SAMD5: variants seen among roughly 807,000 people sequenced by gnomAD.
The protein encoded by SAMD5 is sterile alpha motif domain-containing protein 5.
Under a neutral mutation model 11.3 loss-of-function variants are expected in SAMD5, and 13 were observed. The observed-to-expected ratio is 1.15, with a 90% CI of 0.75 to 1.83. SAMD5 has a LOEUF of 1.83. Ranked by LOEUF, SAMD5 falls within the 40% of genes most tolerant of loss-of-function variation. The probability of loss-of-function intolerance (pLI) is 0.00; values close to 1 mark genes in which losing one functional copy is unlikely to be tolerated. For missense variants in SAMD5, 255 were observed against 239.1 expected (o/e 1.07, Z -0.44); for synonymous variants, 129 against 111.3 (o/e 1.16, Z -1.00).
At chr6:147,639,482 G>A (rs1790278272) in intron 1 of SAMD5, among the ~76,000 whole-genome samples, 1 of 152,202 alleles carries the variant, frequency 6.6e-6, no homozygotes, top group East Asian at 1.9e-4. Flanking sequence ...GACTGTAGCT[G>A]CAGCTCTGGG....
chr6:147,877,919 C>CTAGATAGATAGA, the SAMD5 span, among the ~76,000 whole-genome samples: 9 of 106,428 alleles, frequency 8.5e-5, no homozygotes, highest in East Asian at 8.6e-4. Context: ...AGCTAGCTAG[C>CTAGATAGATAGA]TAGCTAGATA....
chr6:147,846,481 T>C, the SAMD5 span, among the ~76,000 whole-genome samples: 2 of 152,214 alleles, frequency 1.3e-5, no homozygotes, highest in African/African-American at 4.8e-5. Context: ...AAGGGTACAC[T>C]GACCTCCCTG....
chr6:147,950,900 A>G, the SAMD5 span, among the ~76,000 whole-genome samples: 4,144 of 151,664 alleles, frequency 0.027, 85 homozygotes, highest in Non-Finnish European at 0.043. Flanking sequence ...CCTCGCCTCC[A>G]CATCTTTCTC....
chr6:147,549,536 C>T (rs1256203395), intron 1 of SAMD5, among the ~76,000 whole-genome samples: 1 of 152,134 alleles, frequency 6.6e-6, no homozygotes, highest in Non-Finnish European at 1.5e-5. Flanking sequence ...TTTCCTAAGG[C>T]TCCTGGAAAG....
the SAMD5 span, among the ~76,000 whole-genome samples, chr6:147,899,728 C>T: frequency 6.6e-6 from 1 of 152,338 alleles, no homozygotes; most frequent in African/African-American, 2.4e-5. Context: ...TCTGGGAAAG[C>T]TCTCCCTTAC....
At chr6:147,683,446 GTATC>G (rs542047424) in intron 1 of SAMD5, among the ~76,000 whole-genome samples, 178 of 152,238 alleles carry the variant, frequency 1.2e-3, no homozygotes, top group African/African-American at 4.2e-3. Context: ...TTTAAAATAT[GTATC>G]TATTCATTTG....
At chr6:147,791,203 G>A in the SAMD5 span, among the ~76,000 whole-genome samples, 1 of 152,102 alleles carries the variant, frequency 6.6e-6, no homozygotes, top group African/African-American at 2.4e-5. Flanking sequence ...GCTGAGGCAG[G>A]AAAATCGCTT....
At chr6:147,788,050 G>A in the SAMD5 span, among the ~76,000 whole-genome samples, 3 of 152,184 alleles carry the variant, frequency 2.0e-5, no homozygotes, top group African/African-American at 7.2e-5. Context: ...CTGCTTGGAT[G>A]TCAACCCAAA....
At chr6:147,609,802 C>T (rs4895715) in intron 1 of SAMD5, among the ~76,000 whole-genome samples, 76,274 of 151,938 alleles carry the variant, frequency 0.5, 19,573 homozygotes, top group East Asian at 0.7. Flanking sequence ...ATGATCCGCC[C>T]GCCTCAGCCT....
At chr6:147,909,633 TC>T in the SAMD5 span, among the ~76,000 whole-genome samples, 3,505 of 31,182 alleles carry the variant, frequency 0.11, 378 homozygotes, top group South Asian at 0.2. Context: ...TCTTTCTTTC[TC>T]TTTCTTGTCT....
intron 1 of SAMD5, among the ~76,000 whole-genome samples, chr6:147,702,862 A>C (rs1419380210): frequency 6.6e-6 from 1 of 152,022 alleles, no homozygotes; most frequent in Admixed American, 6.6e-5. Flanking sequence ...TGTTTCCCAG[A>C]AAGCTTACAT....
chr6:147,780,496 C>G, the SAMD5 span, among the ~76,000 whole-genome samples: 1 of 152,178 alleles, frequency 6.6e-6, no homozygotes, highest in African/African-American at 2.4e-5. Context: ...GCGTGAGCCA[C>G]TGCACCGGGC....
chr6:147,799,984 A>G, the SAMD5 span, among the ~76,000 whole-genome samples: 1 of 151,844 alleles, frequency 6.6e-6, no homozygotes, highest in South Asian at 2.1e-4. Context: ...ATTTTTGTCA[A>G]AGTTTTCAAC....
At chr6:147,718,065 T>G (rs1024444246) in intron 1 of SAMD5, among the ~76,000 whole-genome samples, 3 of 152,202 alleles carry the variant, frequency 2.0e-5, no homozygotes, top group African/African-American at 4.8e-5. Flanking sequence ...TTTCCCCTTT[T>G]TGAAAAGTAT....
chr6:147,681,345 C>A (rs1220284435), intron 1 of SAMD5, among the ~76,000 whole-genome samples: 1 of 151,994 alleles, frequency 6.6e-6, no homozygotes, highest in Non-Finnish European at 1.5e-5. Flanking sequence ...ATGTTTTTTT[C>A]ATCTCAGGCA....
the SAMD5 span, among the ~76,000 whole-genome samples, chr6:147,926,011 A>T: frequency 1.3e-5 from 2 of 152,212 alleles, no homozygotes; most frequent in South Asian, 4.1e-4. Flanking sequence ...TGCAAAAAAC[A>T]TGATCTTGTT....
chr6:147,881,086 C>T, the SAMD5 span, among the ~76,000 whole-genome samples: 1 of 152,162 alleles, frequency 6.6e-6, no homozygotes, highest in Admixed American at 6.5e-5. Context: ...GACAAGCACC[C>T]TCTTCCATAT....
intron 1 of SAMD5, among the ~76,000 whole-genome samples, chr6:147,542,666 C>G (rs1216981985): frequency 6.6e-6 from 1 of 152,158 alleles, no homozygotes; most frequent in African/African-American, 2.4e-5. Context: ...TTGGTGCCAG[C>G]TGATCCGTCA....
chr6:147,842,649 T>C, the SAMD5 span, among the ~76,000 whole-genome samples: 1 of 152,264 alleles, frequency 6.6e-6, no homozygotes, highest in East Asian at 1.9e-4. Context: ...TTCAATAACA[T>C]CTGACTCAGC....
Sources: gnomAD v4.1 joint callset for allele counts (sites outside exome capture counted in the v4.1 genomes callset) on GRCh38, gnomAD v4.1.1 for gene constraint, MANE v1.5 for transcripts, NCBI Gene and HGNC (gene_info 2026-07-23, HGNC 2026-07-21) for gene names.